The following LDAH variants were observed in gnomAD, a reference collection of about 807,000 sequenced individuals.
The protein encoded by LDAH is lipid droplet associated hydrolase, also known as lipid droplet-associated hydrolase.
LDAH carries 26 observed loss-of-function variants against 29.6 expected under a neutral mutation model. The ratio of observed to expected loss-of-function variants is 0.88; its 90% CI spans 0.64 to 1.22. The LOEUF (loss-of-function observed/expected upper bound fraction) is 1.22, where lower values mean the gene tolerates loss of function less well. Among genes scored for constraint, LDAH ranks in the 50% most tolerant of loss-of-function variants. The pLI, the probability that LDAH is intolerant of heterozygous loss-of-function variation, is 0.00. For missense variants in LDAH, 344 were observed against 387.3 expected (o/e 0.89, Z 0.94); for synonymous variants, 117 against 133.0 (o/e 0.88, Z 0.83).
At chr2:20,813,349 T>C (rs1031164078) in intron 1 of LDAH, among the ~76,000 whole-genome samples, 4 of 152,312 alleles carry the variant, frequency 2.6e-5, no homozygotes, top group Admixed American at 2.0e-4. Flanking sequence ...AATAGTAGCA[T>C]ATTATATATA....
intron 4 of LDAH, among the ~76,000 whole-genome samples, chr2:20,753,587 G>A (rs1355860204): frequency 6.6e-6 from 1 of 152,198 alleles, no homozygotes; most frequent in Non-Finnish European, 1.5e-5. Flanking sequence ...ACAGGATATA[G>A]AAGAGTGTGG....
intron 6 of LDAH, among the ~76,000 whole-genome samples, chr2:20,691,349 T>TG (rs1482715276): frequency 3.7e-5 from 1 of 26,948 alleles, no homozygotes; most frequent in Non-Finnish European, 6.6e-5. Context: ...TAATTTTTAA[T>TG]TTTTTTTTGT....
intron 2 of LDAH, 77 bp downstream of exon 2, chr2:20,801,232 CA>C: frequency 1.4e-6 from 2 of 1,452,562 alleles, no homozygotes; most frequent in Non-Finnish European, 1.9e-6. Context: ...CCATATTTAC[CA>C]AATTCTCTAT....
chr2:20,792,762 A>G (rs932344023), intron 2 of LDAH, among the ~76,000 whole-genome samples: 2 of 152,164 alleles, frequency 1.3e-5, no homozygotes, highest in African/African-American at 4.8e-5. Flanking sequence ...GACACGATAT[A>G]TGAAAAACAG....
At chr2:20,714,995 C>A (rs1025451909) in intron 5 of LDAH, among the ~76,000 whole-genome samples, 127 of 152,232 alleles carry the variant, frequency 8.3e-4, no homozygotes, top group African/African-American at 2.9e-3. Context: ...CTATTCCAAT[C>A]AATAGAAAAA....
intron 4 of LDAH, among the ~76,000 whole-genome samples, chr2:20,757,702 G>A (rs1668426444): frequency 1.3e-5 from 2 of 152,150 alleles, no homozygotes; most frequent in Admixed American, 1.3e-4. Flanking sequence ...ATGTGAGTGA[G>A]CCTCATCCAA....
chr2:20,751,614 T>C (rs951498324), intron 4 of LDAH, among the ~76,000 whole-genome samples: 2 of 152,260 alleles, frequency 1.3e-5, no homozygotes, highest in Non-Finnish European at 2.9e-5. Flanking sequence ...TACACATTTT[T>C]AACTTATTCT....
At chr2:20,728,568 G>A (rs1183883513) in intron 5 of LDAH, among the ~76,000 whole-genome samples, 1 of 152,134 alleles carries the variant, frequency 6.6e-6, no homozygotes, top group East Asian at 1.9e-4. Context: ...TTTGTGGGAA[G>A]CAAGGTACTA....
chr2:20,728,040 A>G (rs542337809), intron 5 of LDAH, among the ~76,000 whole-genome samples: 2 of 152,270 alleles, frequency 1.3e-5, no homozygotes, highest in South Asian at 4.1e-4. Flanking sequence ...GAAATATTTG[A>G]ATATTTTGGT....
intron 3 of LDAH, among the ~76,000 whole-genome samples, chr2:20,783,245 C>T (rs183341952): frequency 3.4e-4 from 51 of 152,228 alleles, no homozygotes; most frequent in African/African-American, 1.2e-3. Flanking sequence ...GGAATGTAGT[C>T]TATCTTGGTG....
intron 5 of LDAH, among the ~76,000 whole-genome samples, chr2:20,716,883 G>A (rs575645025): frequency 2.6e-4 from 39 of 151,460 alleles, no homozygotes; most frequent in Non-Finnish European, 4.0e-4. Context: ...CAGACAAGAA[G>A]AGCCTGGCTG....
intron 3 of LDAH, among the ~76,000 whole-genome samples, chr2:20,787,158 G>A (rs1325126027): frequency 1.3e-4 from 20 of 152,036 alleles, no homozygotes. Flanking sequence ...CTACATAAAC[G>A]GCACTAGTGT....
chr2:20,777,661 C>T (rs1448114847), intron 3 of LDAH, among the ~76,000 whole-genome samples: 2 of 151,980 alleles, frequency 1.3e-5, no homozygotes, highest in East Asian at 1.9e-4. Context: ...CCACCCACCT[C>T]GGCCTCCTGA....
intron 5 of LDAH, among the ~76,000 whole-genome samples, chr2:20,713,832 T>G (rs1664958036): frequency 6.6e-6 from 1 of 152,152 alleles, no homozygotes; most frequent in African/African-American, 2.4e-5. Flanking sequence ...AAGAGCTAAC[T>G]ATCCTAAATA....
intron 5 of LDAH, among the ~76,000 whole-genome samples, chr2:20,739,214 C>T (rs1180496857): frequency 1.3e-5 from 2 of 152,116 alleles, no homozygotes; most frequent in Non-Finnish European, 2.9e-5. Flanking sequence ...ATTGTTACAT[C>T]GTTCATTGGA....
intron 4 of LDAH, among the ~76,000 whole-genome samples, chr2:20,772,768 C>T (rs771952603): frequency 7.2e-5 from 11 of 152,168 alleles, no homozygotes; most frequent in Admixed American, 5.9e-4. Context: ...CAGGCCGACA[C>T]GTTAAAGAAG....
chr2:20,805,405 C>T (rs922819653), intron 1 of LDAH, among the ~76,000 whole-genome samples: 1 of 152,118 alleles, frequency 6.6e-6, no homozygotes, highest in Non-Finnish European at 1.5e-5. Context: ...CACACACCCA[C>T]GTAAAAGCAG....
intron 4 of LDAH, among the ~76,000 whole-genome samples, chr2:20,771,155 CT>C (rs1441039732): frequency 5.9e-5 from 9 of 151,826 alleles, no homozygotes; most frequent in Admixed American, 4.6e-4. Flanking sequence ...AAAGGGGCAA[CT>C]TTTTTTTAGT....
intron 6 of LDAH, among the ~76,000 whole-genome samples, chr2:20,691,366 G>A (rs1037502536): frequency 9.2e-5 from 14 of 151,622 alleles, no homozygotes; most frequent in African/African-American, 3.2e-4. Flanking sequence ...TTGTAGAGAC[G>A]AAGTCTCCCT....
Sources: allele counts gnomAD v4.1 joint callset (sites outside exome capture counted in the v4.1 genomes callset), GRCh38; gene constraint gnomAD v4.1.1; transcripts MANE v1.5; gene names NCBI Gene and HGNC (gene_info 2026-07-23, HGNC 2026-07-21).